The following PROM1 variants were observed in gnomAD, a reference collection of about 807,000 sequenced individuals.
PROM1 encodes the protein prominin-1.
A neutral mutation model predicts 116.9 loss-of-function variants in PROM1; 105 were observed. The observed-to-expected ratio is 0.90, with a 90% CI of 0.77 to 1.06. The LOEUF is 1.06. PROM1 is among the 50% of genes least tolerant of loss of function. PROM1 has a pLI of 0.00. For synonymous variants in PROM1, 393 were observed against 387.0 expected (o/e 1.02, Z -0.18); for missense variants, 1,122 against 1,045.2 (o/e 1.07, Z -1.01).
At chr4:16,033,906 T>C (rs1733380247) in intron 4 of PROM1, among the ~76,000 whole-genome samples, 1 of 150,744 alleles carries the variant, frequency 6.6e-6, no homozygotes, top group Non-Finnish European at 1.5e-5. Context: ...TGTGTACATA[T>C]ATATATATAT....
At chr4:16,046,431 A>T (rs961009658) in intron 2 of PROM1, among the ~76,000 whole-genome samples, 1 of 152,124 alleles carries the variant, frequency 6.6e-6, no homozygotes, top group Non-Finnish European at 1.5e-5. Context: ...TCTTCTTTAG[A>T]TAGGAAAATA....
chr4:15,999,273 C>G (rs1577934374), intron 14 of PROM1, among the ~76,000 whole-genome samples: 1 of 151,852 alleles, frequency 6.6e-6, no homozygotes, highest in Admixed American at 6.6e-5. Context: ...AGATCGAGAC[C>G]ATCCTGGCTA....
At chr4:15,988,035 C>T (rs1238600760) in intron 19 of PROM1, among the ~76,000 whole-genome samples, 1 of 152,068 alleles carries the variant, frequency 6.6e-6, no homozygotes, top group Non-Finnish European at 1.5e-5. Context: ...CTCCACCACG[C>T]CCGGCTAATT....
chr4:15,982,021 T>A (rs1341663020), intron 23 of PROM1, among the ~76,000 whole-genome samples: 3 of 152,254 alleles, frequency 2.0e-5, no homozygotes, highest in African/African-American at 7.2e-5. Context: ...TTCCAAATGA[T>A]GTAACCTTAT....
chr4:15,988,778 A>G (rs1560415172), intron 19 of PROM1, among the ~76,000 whole-genome samples: 1 of 141,756 alleles, frequency 7.1e-6, no homozygotes, highest in Non-Finnish European at 1.6e-5. Flanking sequence ...AGAAAATTGT[A>G]AATAGCACTG....
chr4:16,033,318 A>C lies in PROM1; in HGVS notation c.495T>G (p.Ile165Met). The C allele has an allele frequency of 1.2e-6, 2 of 1,612,776 alleles. No homozygotes were observed. The highest frequency in any genetic ancestry group is 4.5e-5 in the East Asian group (2 of 44,864). The change falls in exon 5 of 28, where the codon ATT becomes ATG. Residue 165 changes from isoleucine to methionine, a missense_variant. By Grantham distance (10) the Ile-to-Met change is conservative (BLOSUM62 1). Coordinates refer to ENST00000447510, the MANE Select transcript of PROM1 (RefSeq NM_006017.3). ...ATTGTACTTGCCTTATTATTATACA[A>C]ATCACCAACAGGGAGATTGCAAAGC... The part of the protein sequence containing the change: ...RKCFAISLLV[I>M]CIIISIGIFY...
At chr4:16,019,789 G>C (rs945050717) in intron 8 of PROM1, among the ~76,000 whole-genome samples, 4 of 151,878 alleles carry the variant, frequency 2.6e-5, no homozygotes, top group African/African-American at 9.7e-5. Context: ...GTGTTTCAAG[G>C]AAAAGAATGA....
intron 13 of PROM1, 88 bp from the exon 14 acceptor site, chr4:16,000,707 A>G (rs1299374194): frequency 8.5e-7 from 1 of 1,172,698 alleles, no homozygotes; most frequent in Non-Finnish European, 1.2e-6. Flanking sequence ...TACTCTATAA[A>G]ATAGCCCTGG....
intron 2 of PROM1, among the ~76,000 whole-genome samples, chr4:16,069,198 G>A (rs1194437210): frequency 6.6e-6 from 1 of 152,154 alleles, no homozygotes; most frequent in Non-Finnish European, 1.5e-5. Context: ...TCGTGCCACT[G>A]CACTCCAGTA....
chr4:15,987,579 A>G, intron 20 of PROM1, 84 bp downstream of exon 20: 1 of 1,359,006 alleles, frequency 7.4e-7, no homozygotes, highest in Non-Finnish European at 1.0e-6. Flanking sequence ...AACTTAAAGT[A>G]CCTACAAAAA....
intron 5 of PROM1, 31 bp downstream of exon 5, chr4:16,033,273 A>G (rs775398010): frequency 6.4e-7 from 1 of 1,559,456 alleles, no homozygotes; most frequent in Admixed American, 1.7e-5. Context: ...AGCCTAAAAC[A>G]CAATCAGTTG....
chr4:16,008,947 A>G lies in PROM1; in HGVS notation c.1301+2T>C, dbSNP rs775957498. ...GTTCACCAGCTCCAAGGAGACACTC[A>G]CCAGTATGAATCATACTCTTCCAAT... On this transcript the variant is annotated splice_donor_variant, in intron 12 of 27. Coordinates refer to ENST00000447510, the MANE Select transcript of PROM1 (RefSeq NM_006017.3). LOFTEE classifies it high-confidence loss of function. 1.8e-5 allele frequency: 29 copies of G among 1,579,156 alleles called. No homozygotes were observed. Among genetic ancestry groups the G allele is most frequent in the Non-Finnish European group, 1.7e-5 (20 of 1,150,866 alleles).
rs16892768 is a variant in PROM1 at position 16,006,834 on chromosome 4, T to C, written c.1302-144A>G. The stretch of plus-strand genomic sequence containing the variant: ...CTATCAATTCCTCAGAGGACAATAA[T>C]GTTGAGTGAAAAGATCCCTTCACAC... On this transcript the variant is annotated intron_variant, in intron 12 of 27. Transcript: ENST00000447510. The C allele has an allele frequency of 7.1e-3, 5,735 of 803,730 alleles. 250 individuals are homozygous for C. The African/African-American group carries it at 0.088, about 12-fold the overall frequency. 49.8% of individuals were successfully genotyped at this position (803,730 alleles called of 1,614,324 possible).
chr4:15,981,703 T>C (rs1376304635), intron 23 of PROM1, among the ~76,000 whole-genome samples: 1 of 152,232 alleles, frequency 6.6e-6, no homozygotes, highest in Non-Finnish European at 1.5e-5. Flanking sequence ...GTTCACTGCA[T>C]GCTAGGGTCT....
chr4:15,970,420 G>A (rs1039272720), intron 27 of PROM1, among the ~76,000 whole-genome samples: 4 of 151,812 alleles, frequency 2.6e-5, no homozygotes, highest in South Asian at 2.1e-4. Flanking sequence ...TGATCTGCCC[G>A]CCTCGGCCTC....
chr4:15,995,574 C>CT (rs1722127560), intron 15 of PROM1, among the ~76,000 whole-genome samples: 2 of 152,144 alleles, frequency 1.3e-5, no homozygotes, highest in Admixed American at 6.5e-5. Context: ...TTTCTCTGTC[C>CT]TTTAACTTTG....
chr4:15,984,489 C>T (rs1390000933), intron 22 of PROM1, 134 bp from the exon 23 acceptor site: 4 of 587,094 alleles, frequency 6.8e-6, no homozygotes, highest in Non-Finnish European at 8.8e-6. Context: ...TCCCCAACTC[C>T]TGGGTCACAG....
At chr4:15,993,681 C>T (rs896020483) in intron 16 of PROM1, among the ~76,000 whole-genome samples, 20 of 152,152 alleles carry the variant, frequency 1.3e-4, no homozygotes, top group South Asian at 6.2e-4. Context: ...CCCACAAAAA[C>T]GTCTATACTC....
chr4:16,054,268 T>C (rs1560581246), intron 2 of PROM1, among the ~76,000 whole-genome samples: 1 of 152,196 alleles, frequency 6.6e-6, no homozygotes, highest in African/African-American at 2.4e-5. Flanking sequence ...ATCAAGTTAA[T>C]CAGTCTATCT....
Sources: gnomAD v4.1 joint callset for allele counts (sites outside exome capture counted in the v4.1 genomes callset) on GRCh38, gnomAD v4.1.1 for gene constraint, MANE v1.5 for transcripts, NCBI Gene and HGNC (gene_info 2026-07-23, HGNC 2026-07-21) for gene names.